The following ESR1 variants were observed in gnomAD, a reference collection of about 807,000 sequenced individuals.
ESR1 encodes estrogen receptor.
A neutral mutation model predicts 52.7 loss-of-function variants in ESR1; 12 were observed. The ratio of observed to expected loss-of-function variants is 0.23; its 90% CI spans 0.15 to 0.37. ESR1 has a LOEUF of 0.37. ESR1 is among the 10% of genes least tolerant of loss of function. The pLI is 1.00. For synonymous variants in ESR1, 305 were observed against 316.8 expected, an observed-to-expected ratio of 0.96 and a Z score of 0.39; for missense variants, 584 against 779.7, an observed-to-expected ratio of 0.75 and a Z score of 2.99.
Position 152,103,237 on chromosome 6 carries a change from T to C in ESR1, c.*4271T>C. 5.4e-6 allele frequency: 1 copy of C among 184,144 alleles called. No individual in the cohort carries two copies. The highest frequency in any genetic ancestry group is 1.2e-5 in the Non-Finnish European group (1 of 86,400). The allele number at this position is 184,144 out of a possible 1,614,324, so 11.4% of individuals were successfully genotyped here. A position where few individuals can be genotyped will look rare whatever the true frequency, so the allele number is the denominator to read the frequency against. ...GCTCGAGCACCTGTAAACAATTTTCTCAACCTATTTGATGTTCAAATAAAG... is the reference window on the plus strand; with the variant it reads ...GCTCGAGCACCTGTAAACAATTTTCCCAACCTATTTGATGTTCAAATAAAG... On this transcript the variant is annotated 3_prime_UTR_variant, in exon 8 of 8. Coordinates refer to ENST00000206249, the MANE Select transcript of ESR1 (RefSeq NM_000125.4).
intron 2 of ESR1, among the ~76,000 whole-genome samples, chr6:151,867,985 G>A (rs1790247635): frequency 6.6e-6 from 1 of 152,076 alleles, no homozygotes; most frequent in African/African-American, 2.4e-5. Flanking sequence ...AAAATCAGGG[G>A]TACATATGCA....
At position 152,099,070 on chromosome 6, in the gene ESR1, A is replaced by G. The variant is rs1350727944; in HGVS notation, c.*104A>G. The G allele has an allele frequency of 4.7e-6, 4 of 860,116 alleles. No individual in the cohort carries two copies. In the East Asian group the frequency reaches 1.1e-4, roughly 23 times the overall value. The allele number at this position is 860,116 out of a possible 1,614,324, so 53.3% of individuals were successfully genotyped here. On this transcript the variant is annotated 3_prime_UTR_variant, in exon 8 of 8. Coordinates refer to ENST00000206249, the MANE Select transcript of ESR1 (RefSeq NM_000125.4). ...GTCTCCTGCATACACTCCGGCATGC[A>G]TCCAACACCAATGGCTTTCTAGATG...
chr6:151,756,542 C>T (rs1348047048), intron 2 of ESR1, among the ~76,000 whole-genome samples: 1 of 152,204 alleles, frequency 6.6e-6, no homozygotes, highest in Non-Finnish European at 1.5e-5. Context: ...ATTTATTTGT[C>T]TGTCTCTCTA....
chr6:151,921,951 A>C (rs1207609254), intron 3 of ESR1, among the ~76,000 whole-genome samples: 1 of 152,108 alleles, frequency 6.6e-6, no homozygotes, highest in African/African-American at 2.4e-5. Context: ...ATTAGATCCC[A>C]TTTGTCAATT....
In ESR1 at chr6:152,030,920, G is replaced by C. The variant is rs561526930; in HGVS notation, c.1235+19126G>C. Among the ~76,000 whole-genome samples, 4 of 152,256 alleles carry C rather than the reference G, an allele frequency of 2.6e-5. No homozygotes were observed. In the South Asian group the frequency reaches 8.3e-4, roughly 32 times the overall value. ...ACTCCTCAGCAAATGTAAAAGAACAGAAATTATAACAAACTATCTCTCAGA... is the reference window on the plus strand; with the variant it reads ...ACTCCTCAGCAAATGTAAAAGAACACAAATTATAACAAACTATCTCTCAGA... On this transcript the variant is annotated intron_variant, in intron 5 of 7. Coordinates refer to ENST00000206249, the MANE Select transcript of ESR1 (RefSeq NM_000125.4).
chr6:151,931,408 A>G (rs1343030917), intron 3 of ESR1, among the ~76,000 whole-genome samples: 1 of 151,566 alleles, frequency 6.6e-6, no homozygotes, highest in African/African-American at 2.4e-5. Flanking sequence ...TATATTACCC[A>G]TCTTTTATTG....
At chr6:151,980,957 C>T (rs1413441837) in intron 4 of ESR1, among the ~76,000 whole-genome samples, 1 of 152,200 alleles carries the variant, frequency 6.6e-6, no homozygotes, top group Non-Finnish European at 1.5e-5. Context: ...CCGTTTTGGC[C>T]TCTCAAAGTG....
chr6:151,991,137 GCT>G (rs1028100720), intron 4 of ESR1, among the ~76,000 whole-genome samples: 4 of 152,106 alleles, frequency 2.6e-5, no homozygotes, highest in Admixed American at 2.0e-4. Context: ...ATTTCACTTG[GCT>G]CTGTACAGAC....
rs986218381 is a variant in ESR1 at position 152,094,290 on chromosome 6, G to A, written c.1370-95G>A. On this transcript the variant is annotated intron_variant, in intron 6 of 7. Coordinates refer to ENST00000206249, the MANE Select transcript of ESR1 (RefSeq NM_000125.4). This position sits in a 1 kb window ranked among gnomAD's most constrained non-coding sequence, Gnocchi z 4.6. ...TGCTAGACTACTGTGCTGAGGAAGG[G>A]CACTGGCTCATTGTTACATCCCATG... 11 of 1,026,992 alleles carry A rather than the reference G, an allele frequency of 1.1e-5. No individual in the cohort carries two copies. The highest frequency in any genetic ancestry group is 1.7e-5 in the Admixed American group (1 of 59,274). 63.6% of individuals were successfully genotyped at this position (1,026,992 alleles called of 1,614,324 possible).
At chr6:151,747,309 A>G (rs549834181) in intron 2 of ESR1, among the ~76,000 whole-genome samples, 1 of 152,328 alleles carries the variant, frequency 6.6e-6, no homozygotes, top group South Asian at 2.1e-4. Flanking sequence ...CTAATGAATG[A>G]ATCACTGAAT....
At chr6:152,118,004 G>C (rs530010848) in intron 6 of ESR1, among the ~76,000 whole-genome samples, 24 of 152,164 alleles carry the variant, frequency 1.6e-4, no homozygotes, top group Non-Finnish European at 3.2e-4. Context: ...TAACTTCTCA[G>C]TGTTATACCT....
At chr6:151,943,731 A>G (rs1273545750) in intron 3 of ESR1, among the ~76,000 whole-genome samples, 2 of 152,226 alleles carry the variant, frequency 1.3e-5, no homozygotes, top group Non-Finnish European at 2.9e-5. Flanking sequence ...TCCTAGCAGA[A>G]GTAGTCTTGG....
At chr6:152,063,514 C>T (rs895100150) in intron 6 of ESR1, among the ~76,000 whole-genome samples, 2 of 152,162 alleles carry the variant, frequency 1.3e-5, no homozygotes, top group African/African-American at 4.8e-5. Flanking sequence ...TGAAAAACAG[C>T]ATCAAAGAGG....
intron 2 of ESR1, among the ~76,000 whole-genome samples, chr6:151,710,656 G>A (rs1016111662): frequency 6.6e-6 from 1 of 152,030 alleles, no homozygotes; most frequent in African/African-American, 2.4e-5. Flanking sequence ...ACATGCCATG[G>A]TGGTTTGCTG....
At chr6:151,702,141 G>A (rs1294091966) in intron 2 of ESR1, 1 of 152,072 alleles carries the variant, frequency 6.6e-6, no homozygotes, top group African/African-American at 2.4e-5. Flanking sequence ...ATTGTCAGGG[G>A]CTTAGCAGTA....
chr6:151,987,820 T>C (rs2128702613), intron 4 of ESR1, among the ~76,000 whole-genome samples: 1 of 152,302 alleles, frequency 6.6e-6, no homozygotes, highest in East Asian at 1.9e-4. Flanking sequence ...GGATTATTAT[T>C]GTTAAAGAGT....
chr6:151,896,501 C>CA (rs1795526982), intron 3 of ESR1, among the ~76,000 whole-genome samples: 1 of 152,106 alleles, frequency 6.6e-6, no homozygotes, highest in South Asian at 2.1e-4. Context: ...CTTGAATGAT[C>CA]TTTTGTATTT....
upstream of ESR1, chr6:151,807,079 T>C (rs964078123): frequency 6.6e-6 from 1 of 152,300 alleles, no homozygotes; most frequent in African/African-American, 2.4e-5. Context: ...TGCATTCTCC[T>C]GATGGCAAAA....
chr6:152,034,290 AAAATAAATAAAT>A (rs10588683), intron 5 of ESR1, among the ~76,000 whole-genome samples: 1 of 150,164 alleles, frequency 6.7e-6, no homozygotes, highest in Non-Finnish European at 1.5e-5. Flanking sequence ...AAGTACAATA[AAAATAAATAAAT>A]AAATAAATAA....
Sources: allele counts gnomAD v4.1 joint callset (sites outside exome capture counted in the v4.1 genomes callset), GRCh38; gene constraint gnomAD v4.1.1; non-coding constraint Gnocchi (gnomAD v3.1); transcripts MANE v1.5; gene names NCBI Gene and HGNC (gene_info 2026-07-23, HGNC 2026-07-21).